L3MBTL4: variants seen among roughly 807,000 people sequenced by gnomAD.
The protein encoded by L3MBTL4 is lethal(3)malignant brain tumor-like protein 4.
A neutral mutation model predicts 84.5 loss-of-function variants in L3MBTL4; 70 were observed. The observed-to-expected ratio is 0.83, with a 90% CI of 0.68 to 1.01. The LOEUF (loss-of-function observed/expected upper bound fraction) is 1.01, where lower values mean the gene tolerates loss of function less well. L3MBTL4 is among the 50% of genes least tolerant of loss of function. The pLI, the probability that L3MBTL4 is intolerant of heterozygous loss-of-function variation, is 0.00. For synonymous variants in L3MBTL4, 274 were observed against 259.8 expected (o/e 1.05, Z -0.52); for missense variants, 715 against 754.8 (o/e 0.95, Z 0.62).
intron 16 of L3MBTL4, among the ~76,000 whole-genome samples, chr18:6,070,214 C>T (rs2057539131): frequency 2.0e-5 from 3 of 151,936 alleles, no homozygotes; most frequent in Non-Finnish European, 4.4e-5. Flanking sequence ...ACTATGAATC[C>T]TAAAGAGACA....
At chr18:6,189,872 G>A (rs1168294513) in intron 12 of L3MBTL4, among the ~76,000 whole-genome samples, 1 of 152,182 alleles carries the variant, frequency 6.6e-6, no homozygotes, top group African/African-American at 2.4e-5. Context: ...AAGAGTTCAT[G>A]AGAGACGTGT....
chr18:6,021,763 CG>C (rs1468837605), intron 16 of L3MBTL4, among the ~76,000 whole-genome samples: 1 of 151,042 alleles, frequency 6.6e-6, no homozygotes, highest in Non-Finnish European at 1.5e-5. Context: ...CCTGGTGCAG[CG>C]GGGTGGGGGG....
Position 6,241,404 on chromosome 18 carries a change from C to T in L3MBTL4, c.506G>A (p.Cys169Tyr). 1.2e-6 allele frequency: 2 copies of T among 1,605,768 alleles called. No homozygotes were observed. Among genetic ancestry groups the T allele is most frequent in the Admixed American group, 1.7e-5 (1 of 58,936 alleles). Residue 169 changes from cysteine (C) to tyrosine (Y), a missense_variant, in exon 8 of 19, where the codon TGC becomes TAC. Physicochemically the swap from Cys to Tyr is radical, Grantham distance 194. Coordinates refer to ENST00000317931, the MANE Select transcript of L3MBTL4 (RefSeq NM_001330559.2). The stretch of plus-strand genomic sequence containing the variant: ...TTTCTTTGGAGCATTTTGCAATTTG[C>T]AGGCCTTCAAGTAATCCATCCAAAC... ...KFVWMDYLKA[C>Y]KLQNAPKKLF...
intron 4 of L3MBTL4, among the ~76,000 whole-genome samples, chr18:6,282,678 A>G (rs1599470554): frequency 1.3e-5 from 2 of 152,244 alleles, no homozygotes; most frequent in East Asian, 3.9e-4. Flanking sequence ...GAAAGGTTTT[A>G]AGCAAAGGAA....
chr18:6,245,324 G>C (rs1190391453), intron 5 of L3MBTL4, among the ~76,000 whole-genome samples: 1 of 152,102 alleles, frequency 6.6e-6, no homozygotes, highest in African/African-American at 2.4e-5. Context: ...CTTTGAAATA[G>C]TACCTCCATG....
intron 16 of L3MBTL4, chr18:6,029,599 T>C: frequency 2.0e-6 from 2 of 985,328 alleles, no homozygotes; most frequent in African/African-American, 1.7e-5. Context: ...ATAAACTTCG[T>C]AAGAAGGACG....
At chr18:6,196,910 G>T (rs528414417) in intron 12 of L3MBTL4, among the ~76,000 whole-genome samples, 2 of 152,262 alleles carry the variant, frequency 1.3e-5, no homozygotes, top group East Asian at 3.9e-4. Flanking sequence ...GGTCAGCCCC[G>T]GCTTTCTCTC....
intron 16 of L3MBTL4, among the ~76,000 whole-genome samples, chr18:6,026,662 G>GT (rs1469561720): frequency 1.3e-5 from 2 of 152,168 alleles, no homozygotes; most frequent in Non-Finnish European, 2.9e-5. Flanking sequence ...ACCACACTGA[G>GT]TAACACTATC....
At chr18:6,115,548 C>A (rs768127707) in intron 14 of L3MBTL4, among the ~76,000 whole-genome samples, 9 of 152,144 alleles carry the variant, frequency 5.9e-5, no homozygotes, top group East Asian at 1.9e-4. Context: ...GAGAAGCCAG[C>A]AACTACCTAC....
At chr18:6,361,896 G>C (rs924660751) in intron 1 of L3MBTL4, among the ~76,000 whole-genome samples, 1 of 151,890 alleles carries the variant, frequency 6.6e-6, no homozygotes, top group Non-Finnish European at 1.5e-5. Context: ...CAGGGTGACC[G>C]CTTGACTCCA....
rs543281253 is a variant in L3MBTL4, at chr18:5,973,870, T to C, written c.1445-4308A>G. Among the ~76,000 whole-genome samples, 3 of 152,340 alleles carry C rather than the reference T, an allele frequency of 2.0e-5. No homozygotes were observed. In the East Asian group the frequency reaches 5.8e-4, roughly 29 times the overall value. On this transcript the variant is annotated intron_variant, in intron 16 of 18. Coordinates refer to ENST00000317931, the MANE Select transcript of L3MBTL4 (RefSeq NM_001330559.2). Reference sequence around the variant, plus strand: ...ACGACCTCATTGCCGTCATGACTCCTATCCAGCTCCCCTAAAAGTCAGCCA... The same window carrying C: ...ACGACCTCATTGCCGTCATGACTCCCATCCAGCTCCCCTAAAAGTCAGCCA...
At chr18:6,274,207 A>T (rs768329629) in intron 4 of L3MBTL4, among the ~76,000 whole-genome samples, 3 of 152,244 alleles carry the variant, frequency 2.0e-5, no homozygotes, top group Non-Finnish European at 2.9e-5. Flanking sequence ...TCACCCAGAA[A>T]ATTGCTAGAA....
intron 5 of L3MBTL4, among the ~76,000 whole-genome samples, chr18:6,250,073 G>A (rs1203828715): frequency 6.6e-6 from 1 of 152,194 alleles, no homozygotes; most frequent in Non-Finnish European, 1.5e-5. Flanking sequence ...AGAAGCGCCA[G>A]TGCTCTTGAG....
intron 1 of L3MBTL4, among the ~76,000 whole-genome samples, chr18:6,324,187 G>A (rs1439633747): frequency 1.3e-5 from 2 of 152,230 alleles, no homozygotes; most frequent in African/African-American, 2.4e-5. Flanking sequence ...TTCAGACAAC[G>A]TATGGAAAAG....
intron 14 of L3MBTL4, among the ~76,000 whole-genome samples, chr18:6,107,857 G>A (rs572169035): frequency 2.2e-4 from 34 of 152,300 alleles, no homozygotes; most frequent in Non-Finnish European, 4.4e-4. Flanking sequence ...CACATTTCGT[G>A]TATCTATTTA....
intron 10 of L3MBTL4, among the ~76,000 whole-genome samples, chr18:6,221,759 T>C (rs1415211494): frequency 6.6e-6 from 1 of 152,214 alleles, no homozygotes; most frequent in Non-Finnish European, 1.5e-5. Context: ...ACCTGAATTA[T>C]ATAAGAAAGC....
intron 1 of L3MBTL4, among the ~76,000 whole-genome samples, chr18:6,351,701 G>A (rs993661193): frequency 3.9e-5 from 6 of 151,958 alleles, no homozygotes; most frequent in African/African-American, 1.2e-4. Context: ...ACAGGCGCCT[G>A]CCACCACCCC....
intron 5 of L3MBTL4, among the ~76,000 whole-genome samples, chr18:6,252,962 G>A (rs534820454): frequency 2.0e-5 from 3 of 152,326 alleles, no homozygotes; most frequent in Non-Finnish European, 4.4e-5. Flanking sequence ...CCAGCACTTT[G>A]GGAGGCCGAG....
At chr18:6,404,182 C>A (rs2144679724) in intron 1 of L3MBTL4, among the ~76,000 whole-genome samples, 1 of 152,250 alleles carries the variant, frequency 6.6e-6, no homozygotes, top group Admixed American at 6.5e-5. Context: ...CAAAACCTCA[C>A]AAATCACCAC....
Sources: allele counts gnomAD v4.1 joint callset (sites outside exome capture counted in the v4.1 genomes callset), GRCh38; gene constraint gnomAD v4.1.1; transcripts MANE v1.5; gene names NCBI Gene and HGNC (gene_info 2026-07-23, HGNC 2026-07-21).